HSD17B12: variants seen among roughly 807,000 people sequenced by gnomAD.
HSD17B12 encodes the protein very-long-chain 3-oxoacyl-CoA reductase.
In HSD17B12, 32 loss-of-function variants were observed where a neutral mutation model predicts 39.3. That is an observed-to-expected ratio of 0.81 (90% confidence interval 0.61 to 1.09). The LOEUF is 1.09. Among genes scored for constraint, HSD17B12 ranks in the 50% least tolerant of loss-of-function variants. The pLI is 0.00. For synonymous variants in HSD17B12, 150 were observed against 146.7 expected (o/e 1.02, Z -0.16); for missense variants, 342 against 382.9 (o/e 0.89, Z 0.89).
At chr11:43,804,540 T>C (rs1233130420) in intron 4 of HSD17B12, among the ~76,000 whole-genome samples, 1 of 152,238 alleles carries the variant, frequency 6.6e-6, no homozygotes, top group Non-Finnish European at 1.5e-5. Flanking sequence ...CCTTTATAAG[T>C]GAACACTTGC....
chr11:43,632,951 A>C, the HSD17B12 span, among the ~76,000 whole-genome samples: 1 of 152,312 alleles, frequency 6.6e-6, no homozygotes, highest in African/African-American at 2.4e-5. Context: ...AAAGAAAAAA[A>C]ACAGAGAAAA....
the HSD17B12 span, among the ~76,000 whole-genome samples, chr11:43,615,052 C>T: frequency 6.6e-6 from 1 of 152,112 alleles, no homozygotes; most frequent in African/African-American, 2.4e-5. Context: ...GTAGATTCTA[C>T]AATTTGCAAG....
At chr11:43,722,284 A>G (rs932449074) in intron 1 of HSD17B12, among the ~76,000 whole-genome samples, 2 of 152,306 alleles carry the variant, frequency 1.3e-5, no homozygotes, top group East Asian at 1.9e-4. Context: ...AGCTCTTTAT[A>G]TGTGTTTTTT....
the HSD17B12 span, chr11:43,670,285 T>G: frequency 6.6e-6 from 1 of 152,206 alleles, no homozygotes; most frequent in Non-Finnish European, 1.5e-5. Context: ...GTCTTGGTCC[T>G]GGAGGGAAGA....
chr11:43,826,440 T>A (rs1275215287), intron 6 of HSD17B12, among the ~76,000 whole-genome samples: 1 of 152,174 alleles, frequency 6.6e-6, no homozygotes, highest in African/African-American at 2.4e-5. Context: ...GGCTTTGGAA[T>A]CATTATTAAT....
intron 6 of HSD17B12, among the ~76,000 whole-genome samples, chr11:43,828,011 G>A (rs1484806803): frequency 6.6e-6 from 1 of 151,970 alleles, no homozygotes; most frequent in Non-Finnish European, 1.5e-5. Context: ...GGATTTTCTT[G>A]TGGTGAGGAT....
At chr11:43,838,221 A>G (rs1207416604) in intron 7 of HSD17B12, 96 bp from the exon 8 acceptor site, 9 of 857,284 alleles carry the variant, frequency 1.0e-5, no homozygotes, top group Non-Finnish European at 1.8e-5. Flanking sequence ...CAGCTACATT[A>G]TTCTGTTTCG....
intron 1 of HSD17B12, among the ~76,000 whole-genome samples, chr11:43,744,579 C>T (rs1470377728): frequency 6.6e-6 from 1 of 152,094 alleles, no homozygotes; most frequent in East Asian, 1.9e-4. Context: ...GTCTTTTAAA[C>T]TGTCATATAA....
At chr11:43,701,003 G>A (rs187105053) in intron 1 of HSD17B12, among the ~76,000 whole-genome samples, 3 of 152,116 alleles carry the variant, frequency 2.0e-5, no homozygotes, top group Admixed American at 1.3e-4. Context: ...ATTTGTTATT[G>A]CCTGTCTTTT....
the HSD17B12 span, among the ~76,000 whole-genome samples, chr11:43,613,503 G>A: frequency 1.9e-4 from 29 of 152,146 alleles, no homozygotes; most frequent in Admixed American, 1.4e-3. Flanking sequence ...CTGGCTGCTA[G>A]TGGAAGATGG....
At chr11:43,705,333 G>C (rs1950003253) in intron 1 of HSD17B12, among the ~76,000 whole-genome samples, 1 of 152,158 alleles carries the variant, frequency 6.6e-6, no homozygotes, top group Non-Finnish European at 1.5e-5. Context: ...ATTATTCTTT[G>C]AGAACTATTA....
intron 4 of HSD17B12, 82 bp from the exon 5 acceptor site, chr11:43,815,355 C>A: frequency 1.4e-6 from 1 of 697,230 alleles, no homozygotes; most frequent in Non-Finnish European, 2.5e-6. Flanking sequence ...TCATATTAGT[C>A]TTGATATCTT....
chr11:43,659,974 C>T, the HSD17B12 span, among the ~76,000 whole-genome samples: 28 of 152,162 alleles, frequency 1.8e-4, no homozygotes, highest in African/African-American at 6.5e-4. Flanking sequence ...AACCTGCCTG[C>T]TTGGTATAAC....
chr11:43,735,543 C>T (rs967622865), intron 1 of HSD17B12, among the ~76,000 whole-genome samples: 4 of 152,116 alleles, frequency 2.6e-5, no homozygotes, highest in African/African-American at 9.7e-5. Context: ...TTTGTATATC[C>T]TCTTTGGATA....
chr11:43,584,146 A>G, the HSD17B12 span, among the ~76,000 whole-genome samples: 1 of 152,000 alleles, frequency 6.6e-6, no homozygotes, highest in Non-Finnish European at 1.5e-5. Flanking sequence ...CCACTCCTAG[A>G]GTCTGGAGCC....
chr11:43,699,500 TA>T (rs2134803922), intron 1 of HSD17B12, among the ~76,000 whole-genome samples: 1 of 152,320 alleles, frequency 6.6e-6, no homozygotes, highest in South Asian at 2.1e-4. Context: ...AATCAATTTT[TA>T]AAAAATACTA....
At position 43,816,335 on chromosome 11, in the gene HSD17B12, A is replaced by AT; in HGVS notation, c.457-5dup. On this transcript the variant is annotated splice_polypyrimidine_tract_variant and intron_variant, in intron 5 of 10. Coordinates refer to ENST00000278353, the MANE Select transcript of HSD17B12 (RefSeq NM_016142.3). ...ATCAAGTGTATATAAAATTCTCAAT[A>AT]TTTTTTTGCAGGTGATCAAGAAAAT... 1.5e-5 allele frequency: 23 copies of AT among 1,484,098 alleles called. No individual in the cohort carries two copies. Among genetic ancestry groups the AT allele is most frequent in the Admixed American group, 4.0e-5 (2 of 49,962 alleles). The allele number at this position is 1,484,098 out of a possible 1,614,324, so 91.9% of individuals were successfully genotyped here.
intron 1 of HSD17B12, chr11:43,733,692 G>T (rs1950289744): frequency 7.7e-6 from 4 of 519,682 alleles, no homozygotes; most frequent in South Asian, 6.5e-5. Flanking sequence ...TAAAAAAAGG[G>T]GTTTAGGGGG....
intron 9 of HSD17B12, among the ~76,000 whole-genome samples, chr11:43,850,049 T>G (rs774639123): frequency 6.6e-6 from 1 of 151,958 alleles, no homozygotes; most frequent in East Asian, 1.9e-4. Context: ...CTCCTTCATT[T>G]TGGATTTAGA....
Sources: allele counts gnomAD v4.1 joint callset (sites outside exome capture counted in the v4.1 genomes callset), GRCh38; gene constraint gnomAD v4.1.1; transcripts MANE v1.5; gene names NCBI Gene and HGNC (gene_info 2026-07-23, HGNC 2026-07-21).